The following NETO2 variants were observed in gnomAD, a reference collection of about 807,000 sequenced individuals.
NETO2 encodes neuropilin and tolloid like 2.
In NETO2, 28 loss-of-function variants were observed where a neutral mutation model predicts 62.5. The ratio of observed to expected loss-of-function variants is 0.45; its 90% CI spans 0.33 to 0.61. The LOEUF (loss-of-function observed/expected upper bound fraction) is 0.61, where lower values mean the gene tolerates loss of function less well. Among genes scored for constraint, NETO2 ranks in the 20% least tolerant of loss-of-function variants. NETO2 has a pLI of 0.02. For synonymous variants in NETO2, 214 were observed against 219.1 expected (o/e 0.98, Z 0.21); for missense variants, 548 against 643.2 (o/e 0.85, Z 1.60).
chr16:47,088,131 G>A (rs1409146461), intron 7 of NETO2, among the ~76,000 whole-genome samples: 1 of 151,918 alleles, frequency 6.6e-6, no homozygotes, highest in Non-Finnish European at 1.5e-5. Flanking sequence ...TGGAGATGGA[G>A]TCTCGCTCTG....
At chr16:47,114,990 C>G (rs1472529003) in intron 6 of NETO2, among the ~76,000 whole-genome samples, 1 of 151,894 alleles carries the variant, frequency 6.6e-6, no homozygotes, top group East Asian at 1.9e-4. Flanking sequence ...GTTCCAGCAC[C>G]ATCTGTTAGA....
In NETO2 at chr16:47,098,379, A is replaced by G. The variant is rs552224809; in HGVS notation, c.883+11104T>C. On this transcript the variant is annotated intron_variant, in intron 7 of 8. Transcript: ENST00000562435. The stretch of plus-strand genomic sequence containing the variant: ...ACACAGCATGAGAACTTCGTGAAGC[A>G]TATGTAAGTATCAACAGCTGAATGG... 9.8e-5 allele frequency among the ~76,000 whole-genome samples: 15 copies of G among 152,348 alleles called. 1 individual carries two copies. The South Asian group carries it at 1.9e-3, about 19-fold the overall frequency.
chr16:47,111,053 A>G (rs1199719708), intron 6 of NETO2, among the ~76,000 whole-genome samples: 2 of 152,204 alleles, frequency 1.3e-5, no homozygotes, highest in Non-Finnish European at 2.9e-5. Flanking sequence ...AACAGTTCTC[A>G]TTAGTTTTCC....
intron 6 of NETO2, among the ~76,000 whole-genome samples, chr16:47,120,983 G>A (rs548135075): frequency 6.6e-5 from 10 of 152,060 alleles, no homozygotes; most frequent in South Asian, 4.1e-4. Context: ...ACATGTGTGC[G>A]TCAACATCCG....
At chr16:47,097,467 C>T (rs1963451370) in intron 7 of NETO2, among the ~76,000 whole-genome samples, 1 of 152,238 alleles carries the variant, frequency 6.6e-6, no homozygotes, top group Non-Finnish European at 1.5e-5. Context: ...CAGACTGCCT[C>T]TCTAGATTCC....
intron 6 of NETO2, among the ~76,000 whole-genome samples, chr16:47,115,714 C>CATATATATATATACATATATATAT (rs1555498121): frequency 7.8e-6 from 1 of 128,504 alleles, no homozygotes; most frequent in African/African-American, 3.5e-5. Flanking sequence ...TATATATATA[C>CATATATATATATACATATATATAT]ATATATATAT....
chr16:47,088,135 C>CG lies in NETO2; in HGVS notation c.884-1797dup, dbSNP rs1452068944. 2.6e-5 allele frequency among the ~76,000 whole-genome samples: 4 copies of CG among 152,136 alleles called. No homozygotes were observed. The East Asian group carries it at 7.7e-4, about 29-fold the overall frequency. On this transcript the variant is annotated intron_variant, in intron 7 of 8. Coordinates refer to ENST00000562435, the MANE Select transcript of NETO2 (RefSeq NM_018092.5). ...TTCTTTTTTTTTGGAGATGGAGTCT[C>CG]GCTCTGTTGCCCAGGCTGGAGTGCA...
intron 6 of NETO2, among the ~76,000 whole-genome samples, chr16:47,120,175 TAG>T (rs753738093): frequency 2.6e-5 from 4 of 152,234 alleles, no homozygotes; most frequent in African/African-American, 7.2e-5. Flanking sequence ...TCTAGTGAGA[TAG>T]AGACATTCTT....
chr16:47,093,321 T>A (rs1963352778), intron 7 of NETO2, among the ~76,000 whole-genome samples: 1 of 152,158 alleles, frequency 6.6e-6, no homozygotes, highest in Non-Finnish European at 1.5e-5. Flanking sequence ...ACCTTCAAAA[T>A]ATATCTACTC....
chr16:47,126,619 TA>T (rs959976233), intron 4 of NETO2, among the ~76,000 whole-genome samples: 6 of 152,148 alleles, frequency 3.9e-5, no homozygotes, highest in African/African-American at 1.4e-4. Flanking sequence ...TAATGTCAAC[TA>T]CAGGCTTTGG....
At chr16:47,091,031 T>C (rs942390582) in intron 7 of NETO2, among the ~76,000 whole-genome samples, 3 of 152,122 alleles carry the variant, frequency 2.0e-5, no homozygotes, top group Admixed American at 2.0e-4. Flanking sequence ...ACAAAAGAAA[T>C]AGTTCAATAA....
chr16:47,120,048 T>G (rs1419927654), intron 6 of NETO2, among the ~76,000 whole-genome samples: 1 of 152,240 alleles, frequency 6.6e-6, no homozygotes, highest in Non-Finnish European at 1.5e-5. Context: ...ATGCTTGAAC[T>G]GTTAATTACT....
Position 47,082,857 on chromosome 16 carries a change from C to G in NETO2, c.*364G>C, listed in dbSNP as rs1963096268. ...AGAAAAATCAAGTTTATTGTGGCAT[C>G]AAAATATTGACAGAGCTGTTATCAG... On this transcript the variant is annotated 3_prime_UTR_variant, in exon 9 of 9. Transcript: ENST00000562435. 1 of 190,126 alleles carries G rather than the reference C, an allele frequency of 5.3e-6. No individual in the cohort carries two copies. The highest frequency in any genetic ancestry group is 1.9e-4 in the South Asian group (1 of 5,258). The allele number at this position is 190,126 out of a possible 1,614,324, so 11.8% of individuals were successfully genotyped here.
At chr16:47,094,984 C>T (rs1963401105) in intron 7 of NETO2, among the ~76,000 whole-genome samples, 2 of 152,194 alleles carry the variant, frequency 1.3e-5, no homozygotes, top group South Asian at 2.1e-4. Context: ...GCTGGAATTA[C>T]ATGTATGAGC....
chr16:47,119,665 A>T (rs543240163), intron 6 of NETO2, among the ~76,000 whole-genome samples: 1 of 151,856 alleles, frequency 6.6e-6, no homozygotes, highest in Non-Finnish European at 1.5e-5. Flanking sequence ...TTCTCAAAGT[A>T]CTGTTTTAGC....
At chr16:47,140,983 T>C (rs941128353) in intron 1 of NETO2, among the ~76,000 whole-genome samples, 1 of 152,226 alleles carries the variant, frequency 6.6e-6, no homozygotes, top group Non-Finnish European at 1.5e-5. Flanking sequence ...TAATGCTTAG[T>C]TAACCTTGAC....
At position 47,122,652 on chromosome 16, in the gene NETO2, A is replaced by G; in HGVS notation, c.654+5T>C. On this transcript the variant is annotated splice_donor_5th_base_variant and intron_variant, in intron 6 of 8. Transcript: ENST00000562435. ...TCTCTGAAGCGACTCAATACATAAT[A>G]ATACCTTAGCTTTTGGAGTGGCTTT... The G allele has an allele frequency of 6.2e-7, 1 of 1,613,264 alleles. No homozygotes were observed. The highest frequency in any genetic ancestry group is 8.5e-7 in the Non-Finnish European group (1 of 1,179,818).
At chr16:47,085,681 G>A (rs1454056505) in intron 8 of NETO2, among the ~76,000 whole-genome samples, 1 of 152,074 alleles carries the variant, frequency 6.6e-6, no homozygotes, top group Non-Finnish European at 1.5e-5. Context: ...ACCGCGCCTG[G>A]CCACAATACA....
chr16:47,104,451 T>C (rs548214882), intron 7 of NETO2, among the ~76,000 whole-genome samples: 1 of 152,312 alleles, frequency 6.6e-6, no homozygotes, highest in African/African-American at 2.4e-5. Context: ...GATGACAATA[T>C]TACTCAAAGT....
Sources: gnomAD v4.1 joint callset for allele counts (sites outside exome capture counted in the v4.1 genomes callset) on GRCh38, gnomAD v4.1.1 for gene constraint, MANE v1.5 for transcripts, NCBI Gene and HGNC (gene_info 2026-07-23, HGNC 2026-07-21) for gene names.